The following PSG2 variants were observed in gnomAD, a reference collection of about 807,000 sequenced individuals.
PSG2 encodes the protein pregnancy specific beta-1-glycoprotein 2.
Under a neutral mutation model 36.2 loss-of-function variants are expected in PSG2, and 49 were observed. The ratio of observed to expected loss-of-function variants is 1.35; its 90% CI spans 1.08 to 1.72. PSG2 has a LOEUF of 1.72. Among genes scored for constraint, PSG2 ranks in the 40% most tolerant of loss-of-function variants. The pLI, the probability that PSG2 is intolerant of heterozygous loss-of-function variation, is 0.00. For missense variants in PSG2, 605 were observed against 407.2 expected (o/e 1.49, Z -4.18); for synonymous variants, 261 against 155.6 (o/e 1.68, Z -5.04).
At chr19:43,069,621 A>T (rs1044068942) in intron 4 of PSG2, among the ~76,000 whole-genome samples, 2 of 151,694 alleles carry the variant, frequency 1.3e-5, no homozygotes, top group African/African-American at 4.9e-5. Context: ...CAGTGTTCTC[A>T]CCAAATGATA....
At chr19:43,079,872 G>T (rs1435908770) in intron 2 of PSG2, among the ~76,000 whole-genome samples, 1 of 151,656 alleles carries the variant, frequency 6.6e-6, no homozygotes, top group African/African-American at 2.4e-5. Flanking sequence ...GGAAGGGCCT[G>T]TGGCTGCAGG....
intron 3 of PSG2, 145 bp downstream of exon 3, chr19:43,075,209 G>T (rs1418411958): frequency 2.6e-6 from 4 of 1,552,090 alleles, no homozygotes; most frequent in East Asian, 2.2e-5. Context: ...ATTCTGGTTT[G>T]CCTGGGGCAG....
intron 4 of PSG2, among the ~76,000 whole-genome samples, chr19:43,066,818 A>G (rs1296733292): frequency 1.3e-5 from 2 of 150,912 alleles, no homozygotes; most frequent in African/African-American, 2.5e-5. Context: ...TCAATTCTCT[A>G]CTGCACTCAG....
At chr19:43,081,929 T>C (rs1176527276) in intron 1 of PSG2, 2 of 153,016 alleles carry the variant, frequency 1.3e-5, no homozygotes, top group Non-Finnish European at 1.4e-5. Flanking sequence ...TCATCTGATA[T>C]AGTTATTATT....
intron 5 of PSG2, chr19:43,065,715 G>A (rs1470971710): frequency 6.6e-6 from 1 of 151,612 alleles, no homozygotes; most frequent in East Asian, 1.9e-4. Context: ...ATTTCTGTAT[G>A]TTTTTTGAAC....
At chr19:43,074,074 G>A (rs1470886229) in intron 3 of PSG2, among the ~76,000 whole-genome samples, 1 of 151,630 alleles carries the variant, frequency 6.6e-6, no homozygotes, top group Non-Finnish European at 1.5e-5. Context: ...TATTTTTTAA[G>A]GCTTTGGGAT....
intron 2 of PSG2, among the ~76,000 whole-genome samples, chr19:43,079,747 C>G (rs1227449274): frequency 1.3e-5 from 2 of 151,718 alleles, no homozygotes; most frequent in African/African-American, 4.9e-5. Flanking sequence ...GATTAATCAG[C>G]TGACCATTTG....
Position 43,071,890 on chromosome 19 carries a change from G to A in PSG2, c.774C>T (p.Tyr258=), listed in dbSNP as rs916225779. The A allele has an allele frequency of 3.1e-6, 5 of 1,612,732 alleles. No individual in the cohort carries two copies. In the African/African-American group the frequency reaches 6.7e-5, roughly 22 times the overall value. Residue 258 remains tyrosine (Y), a synonymous_variant, in exon 4 of 6, where the codon TAC becomes TAT. Transcript: ENST00000406487. ...YTNYRSGDNL[Y]LSCFANSNPP... is the part of the protein sequence containing the mutation. ...GGTTAGAGTTCGCGAAGCAAGACAA[G>A]TAGAGGTTATCTCCTGAACGGTAAT...
intron 3 of PSG2, among the ~76,000 whole-genome samples, chr19:43,073,125 C>G (rs1211663750): frequency 6.6e-6 from 1 of 151,728 alleles, no homozygotes; most frequent in Non-Finnish European, 1.5e-5. Flanking sequence ...GCAGCCTGGC[C>G]TGGGACTGGA....
intron 4 of PSG2, among the ~76,000 whole-genome samples, chr19:43,068,524 A>C (rs951941736): frequency 3.3e-5 from 5 of 151,516 alleles, no homozygotes; most frequent in Admixed American, 6.6e-5. Flanking sequence ...TTCTAATAAA[A>C]TAATGATTAT....
chr19:43,077,783 C>A (rs10409911), intron 2 of PSG2, among the ~76,000 whole-genome samples: 45,005 of 151,520 alleles, frequency 0.3, 8,821 homozygotes, highest in African/African-American at 0.53. Context: ...GAAGTTGAAT[C>A]AGTTGTTCCA....
Position 43,071,883 on chromosome 19 carries a change from A to T in PSG2, c.781T>A (p.Cys261Ser). The part of the protein sequence containing the change: ...YRSGDNLYLS[C>S]FANSNPPAQY... Reference sequence around the variant, plus strand: ...GCCGGTGGGTTAGAGTTCGCGAAGCAAGACAAGTAGAGGTTATCTCCTGAA... The same window carrying T: ...GCCGGTGGGTTAGAGTTCGCGAAGCTAGACAAGTAGAGGTTATCTCCTGAA... The change falls in exon 4 of 6, where the codon TGC becomes AGC. Residue 261 changes from cysteine to serine, a missense_variant. Physicochemically the swap from Cys to Ser is moderately radical, Grantham distance 112. Transcript: ENST00000406487. 6.2e-7 allele frequency: 1 copy of T among 1,613,044 alleles called. No individual in the cohort carries two copies. Among genetic ancestry groups the T allele is most frequent in the East Asian group, 2.2e-5 (1 of 44,888 alleles).
Position 43,075,600 on chromosome 19 carries a change from T to G in PSG2, c.463A>C (p.Asn155His). The G allele has an allele frequency of 6.2e-7, 1 of 1,613,150 alleles. No individual in the cohort carries two copies. Among genetic ancestry groups the G allele is most frequent in the Non-Finnish European group, 8.5e-7 (1 of 1,179,732 alleles). The change falls in exon 3 of 6, where the codon AAC becomes CAC. Residue 155 changes from asparagine to histidine, a missense_variant. Asn to His is a moderately conservative substitution (Grantham distance 68). Transcript: ENST00000406487. ...TCCATGGCCTCCCTGGGGTTTAAGT[T>G]GCTGCTGGAGATGGAGGGCTTGGGA... Reference protein sequence around the residue: ...ETPKPSISSSNLNPREAMETV... With the variant: ...ETPKPSISSSHLNPREAMETV...
chr19:43,071,847 A>G lies in PSG2; in HGVS notation c.817T>C (p.Trp273Arg). The part of the protein sequence containing the change: ...ANSNPPAQYS[W>R]TINGKFQQSG... ...TGCTGAAACTTCCCATTAATTGTCC[A>G]AGAATACTGTGCCGGTGGGTTAGAG... Residue 273 changes from tryptophan to arginine, a missense_variant, in exon 4 of 6, where the codon TGG (tryptophan) becomes CGG (arginine). Trp to Arg is a moderately radical substitution (Grantham distance 101). Coordinates refer to ENST00000406487, the MANE Select transcript of PSG2 (RefSeq NM_031246.4). The G allele has an allele frequency of 1.9e-6, 3 of 1,613,224 alleles. 1 individual carries two copies. The highest frequency in any genetic ancestry group is 2.5e-6 in the Non-Finnish European group (3 of 1,179,652).
Position 43,082,653 on chromosome 19 carries a change from T to A in PSG2, c.-84A>T, listed in dbSNP as rs1967998611. 1 of 1,561,070 alleles carries A rather than the reference T, an allele frequency of 6.4e-7. No individual in the cohort carries two copies. ...CTGAGCACGGCTGTCAGCTGTGCTG[T>A]CCTTCCTCCTTCTGCACTGAGCCTC... is the stretch of plus-strand genomic sequence containing the variant. On this transcript the variant is annotated 5_prime_UTR_variant, in exon 1 of 6. Coordinates refer to ENST00000406487, the MANE Select transcript of PSG2 (RefSeq NM_031246.4).
intron 3 of PSG2, among the ~76,000 whole-genome samples, chr19:43,074,913 T>C (rs1172579153): frequency 7.5e-6 from 1 of 132,692 alleles, no homozygotes; most frequent in African/African-American, 3.6e-5. Context: ...CCTTGTATGG[T>C]AATAGGTGTG....
chr19:43,075,303 A>G (rs999649559), intron 3 of PSG2, 51 bp downstream of exon 3: 19 of 1,612,952 alleles, frequency 1.2e-5, no homozygotes, highest in Admixed American at 1.7e-5. Flanking sequence ...GCCTCTGGCC[A>G]TGTGTATTTG....
intron 4 of PSG2, 93 bp from the exon 5 acceptor site, chr19:43,066,693 T>A: frequency 7.1e-7 from 1 of 1,410,186 alleles, no homozygotes; most frequent in Non-Finnish European, 9.9e-7. Context: ...AGGTACTCTA[T>A]AATTGTTTCT....
rs369117696 is a variant in PSG2 at position 43,075,381 on chromosome 19, T to C, written c.682A>G (p.Ser228Gly). ...AGGAGATTCAGGGTGACTGGGTCAC[T>C]GCGGCTGGCACTCCCTGAGTTCCGT... ...EIRNSGSASR[S>G]DPVTLNLLHG... Residue 228 changes from serine to glycine, a missense_variant, in exon 3 of 6, where the codon AGT (serine) becomes GGT (glycine). Physicochemically the swap from Ser to Gly is moderately conservative, Grantham distance 56. Transcript: ENST00000406487. 40 of 1,613,082 alleles carry C rather than the reference T, an allele frequency of 2.5e-5. 1 individual carries two copies. Among genetic ancestry groups the C allele is most frequent in the Non-Finnish European group, 3.3e-5 (39 of 1,179,662 alleles).
Sources: allele counts gnomAD v4.1 joint callset (sites outside exome capture counted in the v4.1 genomes callset), GRCh38; gene constraint gnomAD v4.1.1; transcripts MANE v1.5; gene names NCBI Gene and HGNC (gene_info 2026-07-23, HGNC 2026-07-21).